The following TSSC4 variants were observed in gnomAD, a reference collection of about 807,000 sequenced individuals.
The protein encoded by TSSC4 is tumor suppressing subtransferable candidate 4.
For missense variants in TSSC4, 500 were observed against 443.9 expected (o/e 1.13, Z -1.14); for synonymous variants, 259 against 197.9 (o/e 1.31, Z -2.59).
In TSSC4 at chr11:2,403,222, T is replaced by C; in HGVS notation, c.589T>C (p.Cys197Arg). 1.2e-6 allele frequency: 2 copies of C among 1,612,832 alleles called. No homozygotes were observed. The highest frequency in any genetic ancestry group is 1.7e-6 in the Non-Finnish European group (2 of 1,179,924). ...CCAGAGCCTGGCTGCCCCCACTGACTGCGTGTCCTCCTTCAACCAGGATCC... is the reference window on the plus strand; with the variant it reads ...CCAGAGCCTGGCTGCCCCCACTGACCGCGTGTCCTCCTTCAACCAGGATCC... Reference protein sequence around the residue: ...GSQSLAAPTDCVSSFNQDPSS... With the variant: ...GSQSLAAPTDRVSSFNQDPSS... The change falls in exon 3 of 3, where the codon TGC becomes CGC. Residue 197 changes from cysteine to arginine, a missense_variant. Transcript: ENST00000333256.
In TSSC4 at chr11:2,402,448, G is replaced by T. The variant is rs1465228849; in HGVS notation, c.-26G>T. The T allele has an allele frequency of 3.1e-6, 2 of 638,364 alleles. No homozygotes were observed. The highest frequency in any genetic ancestry group is 5.3e-6 in the Non-Finnish European group (2 of 377,940). 39.5% of individuals were successfully genotyped at this position (638,364 alleles called of 1,614,324 possible). A position where few individuals can be genotyped will look rare whatever the true frequency, so the allele number is the denominator to read the frequency against. ...AACCACTGGCACCCAGCAGCCAAGA[G>T]AGGTGAGAGGAGGGCTTGGAGGGGG... On this transcript the variant is annotated splice_region_variant and 5_prime_UTR_variant, in exon 2 of 3. Transcript: ENST00000333256.
intron 1 of TSSC4, 157 bp downstream of exon 1, chr11:2,400,955 G>C (rs1850126209): frequency 6.6e-6 from 1 of 152,220 alleles, no homozygotes; most frequent in Non-Finnish European, 1.5e-5. Context: ...ATCCTTGTGA[G>C]GCCCGGAGGC....
At chr11:2,402,032 T>A (rs1418369389) in intron 1 of TSSC4, 4 of 152,502 alleles carry the variant, frequency 2.6e-5, no homozygotes, top group African/African-American at 9.7e-5. Context: ...AAGCAGCTTA[T>A]AAGTGGCCCT....
Position 2,403,328 on chromosome 11 carries a change from T to C in TSSC4, c.695T>C (p.Leu232Pro). The C allele has an allele frequency of 6.2e-7, 1 of 1,612,296 alleles. No individual in the cohort carries two copies. Among genetic ancestry groups the C allele is most frequent in the Non-Finnish European group, 8.5e-7 (1 of 1,179,544 alleles). ...VEARHERKRVLGKVGEPGRGG... is the reference protein window; with the variant it reads ...VEARHERKRVPGKVGEPGRGG... ...GCCAGACACGAGAGGAAGAGGGTCC[T>C]GGGGAAGGTGGGAGAGCCAGGCAGG... is the stretch of plus-strand genomic sequence containing the variant. The change falls in exon 3 of 3, where the codon CTG becomes CCG. Residue 232 changes from leucine (L) to proline (P), a missense_variant. By Grantham distance (98) the Leu-to-Pro change is moderately conservative (BLOSUM62 -3). Transcript: ENST00000333256.
Position 2,403,281 on chromosome 11 carries a change from CA to C in TSSC4, c.651del (p.Lys217AsnfsTer198). The C allele has an allele frequency of 6.2e-7, 1 of 1,612,280 alleles. No homozygotes were observed. The highest frequency in any genetic ancestry group is 1.1e-5 in the South Asian group (1 of 90,938). ...GTGGGGAGGGGAGGGTCATCTTCAC[CA>C]AACCAGTCCGAGGGGTCGAAGCCAG... ...SCGEGRVIFTKPVRGVEARHE... is the reference protein window; with the variant it reads ...SCGEGRVIFTXPVRGVEARHE... On this transcript the variant is annotated frameshift_variant, in exon 3 of 3. Coordinates refer to ENST00000333256, the MANE Select transcript of TSSC4 (RefSeq NM_005706.4). LOFTEE classifies it low-confidence loss of function (END_TRUNC).
rs377034801 is a variant in TSSC4 at position 2,403,164 on chromosome 11, C to G, written c.531C>G (p.Ser177Arg). Residue 177 changes from serine (S) to arginine (R), a missense_variant, in exon 3 of 3, where the codon AGC becomes AGG. By Grantham distance (110) the Ser-to-Arg change is moderately radical. Coordinates refer to ENST00000333256, the MANE Select transcript of TSSC4 (RefSeq NM_005706.4). ...LEDVTEVSEQ[S>R]NQATALAFLG... ...ATGTGACCGAGGTCAGCGAGCAGAG[C>G]AATCAGGCCACCGCCCTGGCCTTCC... 1.2e-6 allele frequency: 2 copies of G among 1,612,272 alleles called. No homozygotes were observed. Among genetic ancestry groups the G allele is most frequent in the Non-Finnish European group, 1.7e-6 (2 of 1,179,592 alleles).
chr11:2,403,516 G>T lies in TSSC4; in HGVS notation c.883G>T (p.Gly295Cys), dbSNP rs779745061. The change falls in exon 3 of 3, where the codon GGT becomes TGT. Residue 295 changes from glycine (G) to cysteine (C), a missense_variant. Coordinates refer to ENST00000333256, the MANE Select transcript of TSSC4 (RefSeq NM_005706.4). ...GTCTGTCCACAGTGGGTCTGTGCCA[G>T]GTCTCCCGCCGGTGGAAACTGTTGG... ...SGSVHSGSVP[G>C]LPPVETVGFH... The T allele has an allele frequency of 1.9e-6, 3 of 1,597,216 alleles. No homozygotes were observed. Among genetic ancestry groups the T allele is most frequent in the Non-Finnish European group, 2.6e-6 (3 of 1,171,852 alleles).
At chr11:2,401,577 C>G (rs774173102) in intron 1 of TSSC4, 1 of 152,612 alleles carries the variant, frequency 6.6e-6, no homozygotes, top group Non-Finnish European at 1.5e-5. Context: ...ACACAGGTCA[C>G]TCTGGGCGGG....
chr11:2,401,427 A>G (rs1331911841), intron 1 of TSSC4: 1 of 152,336 alleles, frequency 6.6e-6, no homozygotes, highest in African/African-American at 2.4e-5. Context: ...GGTGCTGCGT[A>G]TCCCCTTTCA....
At position 2,403,860 on chromosome 11, in the gene TSSC4, G is replaced by GT; in HGVS notation, c.*241dup. Reference sequence around the variant, plus strand: ...TGGCTCCCTGGTAGGGACAATAAAGGTTTTGGGTCTTTCTGAGACTTTGTG... The same window carrying GT: ...TGGCTCCCTGGTAGGGACAATAAAGGTTTTTGGGTCTTTCTGAGACTTTGTG... On this transcript the variant is annotated 3_prime_UTR_variant, in exon 3 of 3. Coordinates refer to ENST00000333256, the MANE Select transcript of TSSC4 (RefSeq NM_005706.4). The GT allele has an allele frequency of 4.8e-6, 2 of 416,880 alleles. No individual in the cohort carries two copies. Among genetic ancestry groups the GT allele is most frequent in the Non-Finnish European group, 8.7e-6 (2 of 229,560 alleles). 25.8% of individuals were successfully genotyped at this position (416,880 alleles called of 1,614,324 possible).
In TSSC4 at chr11:2,403,811, G is replaced by A; in HGVS notation, c.*188G>A. On this transcript the variant is annotated 3_prime_UTR_variant, in exon 3 of 3. Transcript: ENST00000333256. The stretch of plus-strand genomic sequence containing the variant: ...CAGAGACCTTGCTGAAGCTCCTGGG[G>A]TGTGGGGTGTGGGCTGGAAGCACTG... 1 of 515,226 alleles carries A rather than the reference G, an allele frequency of 1.9e-6. No individual in the cohort carries two copies. The highest frequency in any genetic ancestry group is 3.3e-6 in the Non-Finnish European group (1 of 303,280). 31.9% of individuals were successfully genotyped at this position (515,226 alleles called of 1,614,324 possible).
chr11:2,402,546 A>C, intron 2 of TSSC4, 65 bp from the exon 3 acceptor site: 1 of 1,381,946 alleles, frequency 7.2e-7, no homozygotes, highest in East Asian at 2.5e-5. Flanking sequence ...GTGGATCTGC[A>C]GGGGGAACTC....
rs765316612 is a variant in TSSC4, at chr11:2,402,784, C to T, written c.151C>T (p.Pro51Ser). 10 of 1,573,408 alleles carry T rather than the reference C, an allele frequency of 6.4e-6. No homozygotes were observed. In the South Asian group the frequency reaches 9.3e-5, roughly 15 times the overall value. ...TGGTGCTGAAGTGGAAGCACTGTCCCCGATGGGGCTGCCTGGGGAGGAGGA... is the reference window on the plus strand; with the variant it reads ...TGGTGCTGAAGTGGAAGCACTGTCCTCGATGGGGCTGCCTGGGGAGGAGGA... The part of the protein sequence containing the change: ...PGGAEVEALS[P>S]MGLPGEEDSG... The change falls in exon 3 of 3, where the codon CCG (proline) becomes TCG (serine). Residue 51 changes from proline (P) to serine (S), a missense_variant. Physicochemically the swap from Pro to Ser is moderately conservative, Grantham distance 74. Transcript: ENST00000333256.
Position 2,402,752 on chromosome 11 carries a change from T to A in TSSC4, c.119T>A (p.Leu40Ter). ...AGTGACTCGGACTCTGACCTCAGCTTGCCCGGTGGTGCTGAAGTGGAAGCA... is the reference window on the plus strand; with the variant it reads ...AGTGACTCGGACTCTGACCTCAGCTAGCCCGGTGGTGCTGAAGTGGAAGCA... ...SLSDSDSDLS[L>*]PGGAEVEALS... The change falls in exon 3 of 3, where the codon TTG becomes TAG. Residue 40 changes from leucine to a stop codon, truncating the protein, a stop_gained. Coordinates refer to ENST00000333256, the MANE Select transcript of TSSC4 (RefSeq NM_005706.4). LOFTEE classifies it low-confidence loss of function (END_TRUNC). 6.4e-7 allele frequency: 1 copy of A among 1,570,368 alleles called. No individual in the cohort carries two copies.
Position 2,402,520 on chromosome 11 carries a change from C to T in TSSC4, c.-24+70C>T, listed in dbSNP as rs1249684136. The T allele has an allele frequency of 4.2e-6, 5 of 1,197,366 alleles. No homozygotes were observed. The African/African-American group carries it at 4.6e-5, about 11-fold the overall frequency. The allele number at this position is 1,197,366 out of a possible 1,614,324, so 74.2% of individuals were successfully genotyped here. ...GGGACAGTTCTGTCAGTTGACCCTCCACTTGTCCAGGGGCAGTGGATCTGC... is the reference window on the plus strand; with the variant it reads ...GGGACAGTTCTGTCAGTTGACCCTCTACTTGTCCAGGGGCAGTGGATCTGC... On this transcript the variant is annotated intron_variant, in intron 2 of 2. Transcript: ENST00000333256.
Position 2,403,644 on chromosome 11 carries a change from A to C in TSSC4, c.*21A>C. ...TCTGAGAGGGAGATGGCCCAGCCTGACCCCACTGGCCACTGCCATCCTGCT... is the reference window on the plus strand; with the variant it reads ...TCTGAGAGGGAGATGGCCCAGCCTGCCCCCACTGGCCACTGCCATCCTGCT... On this transcript the variant is annotated 3_prime_UTR_variant, in exon 3 of 3. Transcript: ENST00000333256. 1 of 1,480,866 alleles carries C rather than the reference A, an allele frequency of 6.8e-7. No individual in the cohort carries two copies. The highest frequency in any genetic ancestry group is 9.0e-7 in the Non-Finnish European group (1 of 1,115,084). The allele number at this position is 1,480,866 out of a possible 1,614,324, so 91.7% of individuals were successfully genotyped here.
At position 2,402,764 on chromosome 11, in the gene TSSC4, C is replaced by T. The variant is rs754137679; in HGVS notation, c.131C>T (p.Ala44Val). 6.4e-7 allele frequency: 1 copy of T among 1,571,538 alleles called. No homozygotes were observed. Among genetic ancestry groups the T allele is most frequent in the Non-Finnish European group, 8.6e-7 (1 of 1,157,714 alleles). The stretch of plus-strand genomic sequence containing the variant: ...TCTGACCTCAGCTTGCCCGGTGGTG[C>T]TGAAGTGGAAGCACTGTCCCCGATG... ...SDSDLSLPGG[A>V]EVEALSPMGL... The change falls in exon 3 of 3, where the codon GCT (alanine) becomes GTT (valine). Residue 44 changes from alanine to valine, a missense_variant. Physicochemically the swap from Ala to Val is moderately conservative, Grantham distance 64 (BLOSUM62 0). Transcript: ENST00000333256.
rs762239513 is a variant in TSSC4, at chr11:2,403,458, T to C, written c.825T>C (p.His275=). The C allele has an allele frequency of 6.3e-7, 1 of 1,596,296 alleles. No homozygotes were observed. ...SPEAEEWGSH[H]GGLQEVEALS... is the part of the protein sequence containing the mutation. ...AGGCTGAGGAGTGGGGCAGCCACCA[T>C]GGAGGCCTGCAGGAGGTGGAGGCAC... Residue 275 remains histidine, a synonymous_variant, in exon 3 of 3, where the codon CAT becomes CAC. Coordinates refer to ENST00000333256, the MANE Select transcript of TSSC4 (RefSeq NM_005706.4).
At position 2,402,828 on chromosome 11, in the gene TSSC4, G is replaced by T. The variant is rs112745767; in HGVS notation, c.195G>T (p.Pro65=). 3.8e-6 allele frequency: 6 copies of T among 1,597,472 alleles called. No individual in the cohort carries two copies. Among genetic ancestry groups the T allele is most frequent in the South Asian group, 2.3e-5 (2 of 88,700 alleles). ...PGEEDSGPDE[P]PSPPSGLLPA... ...AGGAGGATTCAGGTCCTGATGAGCC[G>T]CCCTCACCCCCGTCAGGCCTCCTCC... Residue 65 remains proline, a synonymous_variant, in exon 3 of 3, where the codon CCG becomes CCT. Coordinates refer to ENST00000333256, the MANE Select transcript of TSSC4 (RefSeq NM_005706.4).
Sources: allele counts gnomAD v4.1 joint callset, GRCh38; gene constraint gnomAD v4.1.1; transcripts MANE v1.5; gene names NCBI Gene and HGNC (gene_info 2026-07-23, HGNC 2026-07-21).